ERC2: variants seen among roughly 807,000 people sequenced by gnomAD.
ERC2 encodes ELKS/RAB6-interacting/CAST family member 2.
ERC2 carries 42 observed loss-of-function variants against 114.8 expected under a neutral mutation model. The observed-to-expected ratio is 0.37, with a 90% CI of 0.29 to 0.47. The LOEUF (loss-of-function observed/expected upper bound fraction) is 0.47. ERC2 is among the 20% of genes least tolerant of loss of function. The pLI is 0.99. For missense variants in ERC2, 939 were observed against 1,150.7 expected (o/e 0.82, Z 2.66); for synonymous variants, 454 against 425.5 (o/e 1.07, Z -0.82).
intron 1 of ERC2, among the ~76,000 whole-genome samples, chr3:56,442,920 G>C (rs1301380829): frequency 2.0e-5 from 3 of 152,176 alleles, no homozygotes; most frequent in African/African-American, 7.2e-5. Context: ...TTCTCCATAA[G>C]AGCTTTCTTC....
intron 13 of ERC2, among the ~76,000 whole-genome samples, chr3:55,944,815 G>A (rs1175496413): frequency 6.6e-6 from 1 of 152,140 alleles, no homozygotes; most frequent in Non-Finnish European, 1.5e-5. Flanking sequence ...AAAAACAAAT[G>A]TCAAAATAAA....
At chr3:55,712,809 A>G (rs920268553) in intron 15 of ERC2, among the ~76,000 whole-genome samples, 4 of 152,224 alleles carry the variant, frequency 2.6e-5, no homozygotes, top group East Asian at 1.9e-4. Context: ...AGTTATGCCC[A>G]TTATCTATTT....
chr3:56,389,784 T>C (rs572881178), intron 2 of ERC2, among the ~76,000 whole-genome samples: 16 of 152,226 alleles, frequency 1.1e-4, no homozygotes, highest in African/African-American at 3.1e-4. Flanking sequence ...TGAGAACCCA[T>C]AGATGTCATT....
In ERC2 at chr3:56,245,569, A is replaced by T. The variant is rs1045493024; in HGVS notation, c.1074+50450T>A. Among the ~76,000 whole-genome samples the T allele has an allele frequency of 5.7e-4, 83 of 145,638 alleles. 1 individual carries two copies. Among genetic ancestry groups the T allele is most frequent in the African/African-American group, 9.5e-4 (38 of 39,818 alleles). ...ATACACTCTTAGTCATATGATTATT[A>T]TTTTTTTTTTTGAGACAGAGTCTTG... On this transcript the variant is annotated intron_variant, in intron 3 of 17. Transcript: ENST00000288221.
At chr3:55,969,315 T>A (rs894172348) in intron 12 of ERC2, among the ~76,000 whole-genome samples, 2 of 151,930 alleles carry the variant, frequency 1.3e-5, no homozygotes, top group African/African-American at 4.8e-5. Context: ...TCATGTGCTA[T>A]AGAACCCAAG....
chr3:56,030,322 G>C (rs2074302605), intron 7 of ERC2, among the ~76,000 whole-genome samples: 1 of 152,142 alleles, frequency 6.6e-6, no homozygotes, highest in Admixed American at 6.5e-5. Flanking sequence ...TCAGTTGATA[G>C]AATTGATCAG....
At chr3:55,917,291 G>T (rs1296917404) in intron 13 of ERC2, among the ~76,000 whole-genome samples, 1 of 152,106 alleles carries the variant, frequency 6.6e-6, no homozygotes, top group Non-Finnish European at 1.5e-5. Flanking sequence ...GTTAATGAAT[G>T]TTCATAGCAA....
intron 12 of ERC2, among the ~76,000 whole-genome samples, chr3:55,968,704 G>T (rs562623240): frequency 6.6e-6 from 1 of 152,136 alleles, no homozygotes; most frequent in African/African-American, 2.4e-5. Context: ...CTCTATTTCC[G>T]CCCTTTGATA....
intron 8 of ERC2, 150 bp downstream of exon 8, chr3:56,018,744 G>A (rs2073489936): frequency 2.6e-6 from 2 of 774,592 alleles, no homozygotes; most frequent in Admixed American, 6.0e-5. Context: ...CCACTGAAGA[G>A]GGCTTGTGTG....
chr3:56,158,442 T>C (rs2081860784), intron 4 of ERC2, among the ~76,000 whole-genome samples: 1 of 152,212 alleles, frequency 6.6e-6, no homozygotes, highest in African/African-American at 2.4e-5. Flanking sequence ...TTCTCTCTGG[T>C]GGTCCTTGCT....
chr3:55,932,132 C>A (rs2066132179), intron 13 of ERC2, among the ~76,000 whole-genome samples: 1 of 152,118 alleles, frequency 6.6e-6, no homozygotes, highest in Non-Finnish European at 1.5e-5. Flanking sequence ...TGAATCAAAG[C>A]AGATCTGCTT....
intron 2 of ERC2, among the ~76,000 whole-genome samples, chr3:56,392,416 T>C (rs2060161515): frequency 1.3e-5 from 2 of 152,170 alleles, no homozygotes. Context: ...GGGCTTTATA[T>C]AGGACAATTT....
rs143819357 is a variant in ERC2, at chr3:56,342,795, G to A, written c.658-46360C>T. ...GAGGAATACAATGGAATATAAAACCGAATAGAGTGGAGTAGAGAGAAGTCA... is the reference window on the plus strand; with the variant it reads ...GAGGAATACAATGGAATATAAAACCAAATAGAGTGGAGTAGAGAGAAGTCA... On this transcript the variant is annotated intron_variant, in intron 2 of 17. Coordinates refer to ENST00000288221, the MANE Select transcript of ERC2 (RefSeq NM_015576.3). Among the ~76,000 whole-genome samples, 33 of 152,282 alleles carry A rather than the reference G, an allele frequency of 2.2e-4. 1 individual carries two copies. Among genetic ancestry groups the A allele is most frequent in the Admixed American group, 1.0e-3 (16 of 15,300 alleles).
At chr3:55,991,095 A>G (rs1193692564) in intron 11 of ERC2, among the ~76,000 whole-genome samples, 5 of 152,208 alleles carry the variant, frequency 3.3e-5, no homozygotes, top group Non-Finnish European at 5.9e-5. Context: ...AGCAGAGGCA[A>G]AATTTGAACT....
At chr3:55,755,506 T>C (rs143364339) in intron 14 of ERC2, among the ~76,000 whole-genome samples, 1,697 of 152,292 alleles carry the variant, frequency 0.011, 30 homozygotes, top group African/African-American at 0.037. Flanking sequence ...AAGTATAAAG[T>C]AGACATGTAA....
At chr3:55,956,017 T>C (rs534863116) in intron 12 of ERC2, among the ~76,000 whole-genome samples, 2 of 152,348 alleles carry the variant, frequency 1.3e-5, no homozygotes, top group African/African-American at 2.4e-5. Flanking sequence ...GAGTTAGTAC[T>C]GGTAAAATGT....
chr3:56,324,580 A>G (rs1197327378), intron 2 of ERC2, among the ~76,000 whole-genome samples: 1 of 152,154 alleles, frequency 6.6e-6, no homozygotes, highest in East Asian at 1.9e-4. Flanking sequence ...ACTGTAGGTA[A>G]GGGTCTAACG....
At chr3:55,608,930 A>G (rs1190994076) in intron 17 of ERC2, among the ~76,000 whole-genome samples, 3 of 152,198 alleles carry the variant, frequency 2.0e-5, no homozygotes, top group Admixed American at 6.5e-5. Context: ...ATTCTTTGAG[A>G]CTTTAGAAGC....
At chr3:55,586,206 T>A (rs1353108749) in intron 17 of ERC2, among the ~76,000 whole-genome samples, 3 of 151,646 alleles carry the variant, frequency 2.0e-5, no homozygotes, top group Non-Finnish European at 2.9e-5. Context: ...CAAGAGGGGG[T>A]TGTATTTTCC....
Sources: allele counts gnomAD v4.1 joint callset (sites outside exome capture counted in the v4.1 genomes callset), GRCh38; gene constraint gnomAD v4.1.1; transcripts MANE v1.5; gene names NCBI Gene and HGNC (gene_info 2026-07-23, HGNC 2026-07-21).